Variants in PTPRD observed in about 807,000 individuals in gnomAD.
PTPRD encodes the protein protein tyrosine phosphatase receptor type D.
Under a neutral mutation model 214.5 loss-of-function variants are expected in PTPRD, and 34 were observed. That is an observed-to-expected ratio of 0.16 (90% CI 0.12 to 0.21). The LOEUF is 0.21. PTPRD is among the 10% of genes least tolerant of loss of function. The pLI is 1.00. For missense variants in PTPRD, 2,545 were observed against 2,398.7 expected (o/e 1.06, Z -1.27); for synonymous variants, 1,128 against 845.7 (o/e 1.33, Z -5.79).
At chr9:9,392,660 G>T (rs183729481) in intron 9 of PTPRD, among the ~76,000 whole-genome samples, 2 of 151,990 alleles carry the variant, frequency 1.3e-5, no homozygotes, top group African/African-American at 2.4e-5. Context: ...CTGAATTTTC[G>T]AACTTTGAAC....
chr9:9,164,082 T>C (rs1000293994), intron 10 of PTPRD, among the ~76,000 whole-genome samples: 23 of 152,200 alleles, frequency 1.5e-4, no homozygotes, highest in African/African-American at 5.5e-4. Context: ...ATTAGTTTCC[T>C]ATTTCTTCTG....
chr9:9,461,521 C>T (rs1411660586), intron 8 of PTPRD, among the ~76,000 whole-genome samples: 1 of 151,934 alleles, frequency 6.6e-6, no homozygotes, highest in Admixed American at 6.6e-5. Flanking sequence ...GATATACAAA[C>T]AGAATGGAAG....
intron 2 of PTPRD, among the ~76,000 whole-genome samples, chr9:10,403,146 A>T (rs1209294581): frequency 6.7e-6 from 1 of 149,190 alleles, no homozygotes; most frequent in Non-Finnish European, 1.5e-5. Context: ...AAACAAAAGC[A>T]AATATAAAAA....
At chr9:9,412,540 C>G (rs183721532) in intron 8 of PTPRD, among the ~76,000 whole-genome samples, 21 of 152,236 alleles carry the variant, frequency 1.4e-4, no homozygotes, top group African/African-American at 4.8e-4. Flanking sequence ...CCTACAGTTA[C>G]TTTCCCAGCC....
chr9:8,427,997 T>C (rs2094800999), intron 35 of PTPRD, among the ~76,000 whole-genome samples: 1 of 152,174 alleles, frequency 6.6e-6, no homozygotes, highest in South Asian at 2.1e-4. Context: ...TGTTTGTTTT[T>C]AATGATTGTA....
At chr9:8,550,158 A>G (rs2081579534) in intron 14 of PTPRD, among the ~76,000 whole-genome samples, 1 of 152,182 alleles carries the variant, frequency 6.6e-6, no homozygotes, top group Admixed American at 6.5e-5. Context: ...TAGGAAAACA[A>G]AAAGTTGTTT....
At chr9:10,479,951 G>A (rs771513821) in intron 2 of PTPRD, among the ~76,000 whole-genome samples, 4 of 151,986 alleles carry the variant, frequency 2.6e-5, no homozygotes, top group African/African-American at 9.7e-5. Flanking sequence ...AAAATTTTTC[G>A]TTTTTAAGAA....
intron 10 of PTPRD, among the ~76,000 whole-genome samples, chr9:9,180,420 G>A (rs968499828): frequency 1.4e-5 from 2 of 140,056 alleles, no homozygotes; most frequent in African/African-American, 5.3e-5. Context: ...ACACAGGAAG[G>A]GGAACATCAC....
chr9:10,449,530 C>T (rs1368092872), intron 2 of PTPRD, among the ~76,000 whole-genome samples: 3 of 151,298 alleles, frequency 2.0e-5, no homozygotes, highest in East Asian at 1.9e-4. Flanking sequence ...CCCCTCTGCC[C>T]AGCCACCCAG....
chr9:9,120,768 A>G (rs2099816863), intron 10 of PTPRD, among the ~76,000 whole-genome samples: 2 of 152,138 alleles, frequency 1.3e-5, no homozygotes, highest in East Asian at 3.8e-4. Flanking sequence ...CAAATTTGGG[A>G]ACTACTGGTC....
At chr9:9,141,680 T>C (rs1325365595) in intron 10 of PTPRD, among the ~76,000 whole-genome samples, 3 of 150,960 alleles carry the variant, frequency 2.0e-5, no homozygotes, top group African/African-American at 7.3e-5. Context: ...AAATCTGATA[T>C]AAATATAGAT....
chr9:9,004,293 G>C (rs1206580456), intron 11 of PTPRD, among the ~76,000 whole-genome samples: 2 of 151,784 alleles, frequency 1.3e-5, no homozygotes, highest in African/African-American at 4.8e-5. Flanking sequence ...TATCTCCAAG[G>C]TATATATAAA....
intron 11 of PTPRD, among the ~76,000 whole-genome samples, chr9:8,800,406 T>C (rs886455705): frequency 3.9e-5 from 6 of 152,056 alleles, no homozygotes; most frequent in African/African-American, 1.2e-4. Flanking sequence ...CGGGATGAGA[T>C]AGGAGGTCAG....
chr9:9,372,963 C>A (rs557339856), intron 9 of PTPRD, among the ~76,000 whole-genome samples: 1 of 152,096 alleles, frequency 6.6e-6, no homozygotes, highest in Admixed American at 6.6e-5. Flanking sequence ...TAATATTACC[C>A]CACAAAAAAT....
At chr9:10,579,302 T>C (rs992574477) in intron 2 of PTPRD, among the ~76,000 whole-genome samples, 3 of 152,262 alleles carry the variant, frequency 2.0e-5, no homozygotes, top group African/African-American at 7.2e-5. Flanking sequence ...CCAGTGTCTA[T>C]TGTTCCCATC....
chr9:9,586,149 G>C (rs2154319805), intron 7 of PTPRD, among the ~76,000 whole-genome samples: 1 of 151,968 alleles, frequency 6.6e-6, no homozygotes, highest in Non-Finnish European at 1.5e-5. Context: ...ATATGTTCTG[G>C]CTGTTAACCA....
intron 8 of PTPRD, among the ~76,000 whole-genome samples, chr9:9,551,626 C>T (rs1307460330): frequency 6.6e-6 from 1 of 151,978 alleles, no homozygotes; most frequent in Non-Finnish European, 1.5e-5. Flanking sequence ...GTTCTCAGTA[C>T]ATCCTTTGTT....
At chr9:10,428,788 A>G (rs2098649649) in intron 2 of PTPRD, among the ~76,000 whole-genome samples, 1 of 152,088 alleles carries the variant, frequency 6.6e-6, no homozygotes, top group Non-Finnish European at 1.5e-5. Context: ...TGAGGGGAAT[A>G]TAGACAAAAC....
intron 10 of PTPRD, among the ~76,000 whole-genome samples, chr9:9,171,598 A>G (rs930167283): frequency 1.3e-5 from 2 of 152,088 alleles, no homozygotes; most frequent in African/African-American, 4.8e-5. Flanking sequence ...AGCAGTCACA[A>G]GGTCAAATAT....
Sources: gnomAD v4.1 joint callset for allele counts (sites outside exome capture counted in the v4.1 genomes callset) on GRCh38, gnomAD v4.1.1 for gene constraint, MANE v1.5 for transcripts, NCBI Gene and HGNC (gene_info 2026-07-23, HGNC 2026-07-21) for gene names.